The following ARHGAP24 variants were observed in gnomAD, a reference collection of about 807,000 sequenced individuals.
ARHGAP24 encodes rho GTPase-activating protein 24.
ARHGAP24 carries 50 observed loss-of-function variants against 76.4 expected under a neutral mutation model. That is an observed-to-expected ratio of 0.65 (90% CI 0.52 to 0.83). The LOEUF (loss-of-function observed/expected upper bound fraction) is 0.83. Among genes scored for constraint, ARHGAP24 ranks in the 40% least tolerant of loss-of-function variants. The probability of loss-of-function intolerance (pLI) is 0.00; values close to 1 mark genes in which losing one functional copy is unlikely to be tolerated. For synonymous variants in ARHGAP24, 345 were observed against 323.3 expected, an observed-to-expected ratio of 1.07 and a Z score of -0.72; for missense variants, 930 against 914.2, an observed-to-expected ratio of 1.02 and a Z score of -0.22.
intron 2 of ARHGAP24, among the ~76,000 whole-genome samples, 169 bp from the exon 3 acceptor site, chr4:85,721,716 T>G (rs1724946585): frequency 6.6e-6 from 1 of 152,172 alleles, no homozygotes; most frequent in African/African-American, 2.4e-5. Flanking sequence ...AAATCTTGAG[T>G]GAACATGATT....
In ARHGAP24 at chr4:85,829,739, T is replaced by C. The variant is rs181922403; in HGVS notation, c.269-93909T>C. Among the ~76,000 whole-genome samples the C allele has an allele frequency of 7.2e-4, 109 of 152,308 alleles. No homozygotes were observed. The Middle Eastern group carries it at 0.014, about 19-fold the overall frequency. On this transcript the variant is annotated intron_variant, in intron 3 of 9. Coordinates refer to ENST00000395184, the MANE Select transcript of ARHGAP24 (RefSeq NM_001025616.3). ...TACAGGAAGGCCTTGTGTAACTGTT[T>C]TATCAACACAAGAGTATTCATCCCT... is the stretch of plus-strand genomic sequence containing the variant.
intron 5 of ARHGAP24, among the ~76,000 whole-genome samples, chr4:85,944,843 C>CT (rs1281074548): frequency 6.6e-6 from 1 of 151,934 alleles, no homozygotes; most frequent in African/African-American, 2.4e-5. Context: ...GCTTAGTTTT[C>CT]TTTTTTTTCT....
At chr4:85,662,302 G>A (rs1266638824) in intron 2 of ARHGAP24, among the ~76,000 whole-genome samples, 1 of 151,828 alleles carries the variant, frequency 6.6e-6, no homozygotes, top group Non-Finnish European at 1.5e-5. Context: ...TTTTTTGGCT[G>A]CATAAATGTC....
intron 2 of ARHGAP24, among the ~76,000 whole-genome samples, chr4:85,593,428 T>C (rs1390561414): frequency 6.6e-6 from 1 of 152,166 alleles, no homozygotes; most frequent in Non-Finnish European, 1.5e-5. Flanking sequence ...TTGTTGATTG[T>C]ATCCTTTGCT....
At chr4:85,496,039 A>C (rs1723569502) in intron 1 of ARHGAP24, among the ~76,000 whole-genome samples, 1 of 152,224 alleles carries the variant, frequency 6.6e-6, no homozygotes, top group African/African-American at 2.4e-5. Flanking sequence ...TTTTATCATA[A>C]ATAGAATAGC....
At chr4:85,855,892 C>G (rs1731528764) in intron 3 of ARHGAP24, among the ~76,000 whole-genome samples, 1 of 151,962 alleles carries the variant, frequency 6.6e-6, no homozygotes, top group Admixed American at 6.6e-5. Flanking sequence ...ATACATTATG[C>G]CCCATATAAA....
At chr4:85,810,187 T>C (rs191127004) in intron 3 of ARHGAP24, among the ~76,000 whole-genome samples, 2 of 152,348 alleles carry the variant, frequency 1.3e-5, no homozygotes, top group Admixed American at 1.3e-4. Flanking sequence ...TTACCAACTT[T>C]GTTAGACAAT....
intron 2 of ARHGAP24, among the ~76,000 whole-genome samples, chr4:85,618,059 A>G (rs1008816872): frequency 6.6e-6 from 1 of 152,192 alleles, no homozygotes; most frequent in Non-Finnish European, 1.5e-5. Context: ...ATTATTTACT[A>G]TAGTATCCAT....
chr4:85,914,547 G>A (rs1164646645), intron 3 of ARHGAP24, among the ~76,000 whole-genome samples: 2 of 152,158 alleles, frequency 1.3e-5, no homozygotes, highest in Non-Finnish European at 2.9e-5. Context: ...TTATCACCAT[G>A]TTTATAGGGA....
intron 4 of ARHGAP24, among the ~76,000 whole-genome samples, chr4:85,936,790 G>T (rs892969893): frequency 6.6e-6 from 1 of 152,090 alleles, no homozygotes; most frequent in African/African-American, 2.4e-5. Flanking sequence ...ACAGGATAAG[G>T]TTTCCTACAC....
At chr4:85,548,144 C>A (rs549590601) in intron 1 of ARHGAP24, among the ~76,000 whole-genome samples, 1 of 152,108 alleles carries the variant, frequency 6.6e-6, no homozygotes, top group Non-Finnish European at 1.5e-5. Context: ...GTTTTTGTGC[C>A]TTTTGATACC....
intron 2 of ARHGAP24, among the ~76,000 whole-genome samples, chr4:85,720,563 G>A (rs1337340926): frequency 6.6e-6 from 1 of 152,122 alleles, no homozygotes; most frequent in Admixed American, 6.6e-5. Flanking sequence ...GCTTTTGAAT[G>A]TATCTGAAGC....
intron 8 of ARHGAP24, among the ~76,000 whole-genome samples, chr4:85,979,295 T>C (rs982913985): frequency 1.3e-5 from 2 of 152,216 alleles, no homozygotes; most frequent in Admixed American, 1.3e-4. Context: ...ATTGTAATTA[T>C]GTGGTTTTTT....
intron 2 of ARHGAP24, among the ~76,000 whole-genome samples, chr4:85,588,046 G>A (rs1727930136): frequency 6.6e-6 from 1 of 152,160 alleles, no homozygotes; most frequent in Admixed American, 6.5e-5. Flanking sequence ...AGAGAAGGAA[G>A]GAAGGATATG....
chr4:85,687,859 T>G (rs1723485983), intron 2 of ARHGAP24, among the ~76,000 whole-genome samples: 1 of 152,110 alleles, frequency 6.6e-6, no homozygotes, highest in Non-Finnish European at 1.5e-5. Flanking sequence ...TTGCCCAGGC[T>G]GGAGTGCAGT....
At chr4:85,479,001 C>G (rs552879923) in intron 1 of ARHGAP24, among the ~76,000 whole-genome samples, 1 of 152,304 alleles carries the variant, frequency 6.6e-6, no homozygotes, top group South Asian at 2.1e-4. Flanking sequence ...AAGCCCCCAG[C>G]CCAGTGTTGG....
Position 85,974,919 on chromosome 4 carries a change from G to T in ARHGAP24, c.764G>T (p.Ser255Ile). 1 of 1,613,902 alleles carries T rather than the reference G, an allele frequency of 6.2e-7. No individual in the cohort carries two copies. Among genetic ancestry groups the T allele is most frequent in the South Asian group, 1.1e-5 (1 of 91,076 alleles). ...AAGGAATTAGCAAAGCAGGTGAAGA[G>T]TTTGCCAGTGGTAAATTACAACCTC... ...GVKELAKQVK[S>I]LPVVNYNLLK... The change falls in exon 7 of 10, where the codon AGT (serine) becomes ATT (isoleucine). Residue 255 changes from serine to isoleucine, a missense_variant. Ser to Ile is a moderately radical substitution (Grantham distance 142). Transcript: ENST00000395184.
chr4:85,767,552 A>C (rs1726976039), intron 3 of ARHGAP24, among the ~76,000 whole-genome samples: 3 of 152,210 alleles, frequency 2.0e-5, no homozygotes, highest in Admixed American at 2.0e-4. Context: ...TGAACAGAGC[A>C]TCCCAACAGC....
intron 1 of ARHGAP24, among the ~76,000 whole-genome samples, chr4:85,544,502 C>G (rs189033694): frequency 3.9e-5 from 6 of 152,096 alleles, no homozygotes; most frequent in African/African-American, 1.4e-4. Context: ...ACTTCAGCAT[C>G]TAGATCAAAA....
Sources: allele counts gnomAD v4.1 joint callset (sites outside exome capture counted in the v4.1 genomes callset), GRCh38; gene constraint gnomAD v4.1.1; transcripts MANE v1.5; gene names NCBI Gene and HGNC (gene_info 2026-07-23, HGNC 2026-07-21).